OXR1: variants seen among roughly 807,000 people sequenced by gnomAD.
OXR1 encodes oxidation resistance 1, also known as oxidation resistance protein 1.
OXR1 carries 41 observed loss-of-function variants against 104.6 expected under a neutral mutation model. That is an observed-to-expected ratio of 0.39 (90% CI 0.31 to 0.51). The LOEUF is 0.51. Ranked by LOEUF, OXR1 falls within the 20% of genes least tolerant of loss-of-function variation. The pLI is 0.77. For synonymous variants in OXR1, 348 were observed against 348.4 expected (o/e 1.00, Z 0.01); for missense variants, 955 against 1,031.9 (o/e 0.93, Z 1.02).
intron 3 of OXR1, among the ~76,000 whole-genome samples, chr8:106,567,591 A>G (rs1563611073): frequency 6.6e-6 from 1 of 152,174 alleles, no homozygotes; most frequent in African/African-American, 2.4e-5. Flanking sequence ...AATACCAAAT[A>G]CAAATGCTAT....
At chr8:106,698,067 C>T (rs1307714042) in intron 7 of OXR1, 3 of 1,265,658 alleles carry the variant, frequency 2.4e-6, no homozygotes, top group Non-Finnish European at 3.5e-6. Context: ...GAGAGCGGCA[C>T]ACTCACTCAA....
At chr8:106,372,426 C>T (rs533040446) in intron 2 of OXR1, among the ~76,000 whole-genome samples, 4 of 151,188 alleles carry the variant, frequency 2.6e-5, no homozygotes, top group East Asian at 1.9e-4. Context: ...TTTTCGATGG[C>T]AGCCTTAGAA....
chr8:106,529,540 A>G (rs1354219625), intron 3 of OXR1, among the ~76,000 whole-genome samples: 3 of 152,202 alleles, frequency 2.0e-5, no homozygotes, highest in Non-Finnish European at 4.4e-5. Context: ...ATATTCCTAT[A>G]AATTTGTAGT....
In OXR1 at chr8:106,739,618, TGA is replaced by T. The variant is rs777314065; in HGVS notation, c.2163+37_2163+38del. On this transcript the variant is annotated intron_variant, in intron 13 of 16. Transcript: ENST00000517566. Reference sequence around the variant, plus strand: ...GCTCACATATGTGCATTTCTGAGTGTGAGTGTGTACCCATGAGAGTAAAACAG... The same window carrying T: ...GCTCACATATGTGCATTTCTGAGTGTGTGTGTACCCATGAGAGTAAAACAG... 1.4e-5 allele frequency: 23 copies of T among 1,607,152 alleles called. No individual in the cohort carries two copies. In the Admixed American group the frequency reaches 3.8e-4, roughly 27 times the overall value.
intron 3 of OXR1, among the ~76,000 whole-genome samples, chr8:106,546,373 G>T (rs1234638482): frequency 6.6e-6 from 1 of 152,130 alleles, no homozygotes; most frequent in East Asian, 1.9e-4. Flanking sequence ...CTTGTTATTT[G>T]TTAAGTACAT....
At chr8:106,559,304 T>C (rs769156459) in intron 3 of OXR1, among the ~76,000 whole-genome samples, 78 of 152,310 alleles carry the variant, frequency 5.1e-4, no homozygotes, top group Admixed American at 9.8e-4. Context: ...AACAACATTC[T>C]GATCACAGTC....
At chr8:106,401,036 A>ACTACATGAC (rs1365482055) in intron 2 of OXR1, among the ~76,000 whole-genome samples, 1 of 152,176 alleles carries the variant, frequency 6.6e-6, no homozygotes, top group Non-Finnish European at 1.5e-5. Context: ...TTTGTTTGAA[A>ACTACATGAC]CTACATGACA....
At chr8:106,277,203 G>T (rs1003948718) in intron 1 of OXR1, among the ~76,000 whole-genome samples, 1 of 152,214 alleles carries the variant, frequency 6.6e-6, no homozygotes, top group Non-Finnish European at 1.5e-5. Context: ...AACCAGAACA[G>T]ATGGAAACTT....
intron 3 of OXR1, among the ~76,000 whole-genome samples, chr8:106,552,047 C>T (rs919418815): frequency 1.3e-5 from 2 of 151,162 alleles, no homozygotes; most frequent in African/African-American, 4.9e-5. Context: ...GGTGACAGAG[C>T]GAGACCTGGT....
chr8:106,448,685 C>T (rs866647419), intron 2 of OXR1, among the ~76,000 whole-genome samples: 1 of 151,976 alleles, frequency 6.6e-6, no homozygotes, highest in Admixed American at 6.6e-5. Context: ...CAGTTGTTAC[C>T]GGCATAGACC....
At chr8:106,310,891 C>T (rs918624835) in intron 1 of OXR1, among the ~76,000 whole-genome samples, 4 of 151,938 alleles carry the variant, frequency 2.6e-5, no homozygotes, top group African/African-American at 9.7e-5. Context: ...CATTTTTGTG[C>T]CTCAGGTTGG....
chr8:106,653,255 T>G (rs1316264941), intron 3 of OXR1, among the ~76,000 whole-genome samples: 1 of 151,652 alleles, frequency 6.6e-6, no homozygotes, highest in Admixed American at 6.6e-5. Flanking sequence ...ACTTCTCAAT[T>G]CATTGTCAAA....
At chr8:106,411,960 T>A (rs1206336738) in intron 2 of OXR1, among the ~76,000 whole-genome samples, 3 of 152,136 alleles carry the variant, frequency 2.0e-5, no homozygotes, top group Non-Finnish European at 4.4e-5. Flanking sequence ...ATAAGCACTG[T>A]GATGTTTTAA....
intron 11 of OXR1, among the ~76,000 whole-genome samples, chr8:106,731,742 T>C (rs895797276): frequency 6.6e-6 from 1 of 152,232 alleles, no homozygotes; most frequent in Non-Finnish European, 1.5e-5. Context: ...GTATCATTGA[T>C]GTATTTGTCA....
chr8:106,659,099 G>T (rs529957031), intron 3 of OXR1, among the ~76,000 whole-genome samples: 1 of 152,140 alleles, frequency 6.6e-6, no homozygotes, highest in Non-Finnish European at 1.5e-5. Context: ...ACTCCACATC[G>T]TGCCAGTCAT....
intron 2 of OXR1, among the ~76,000 whole-genome samples, chr8:106,423,019 A>G (rs1818967329): frequency 6.6e-6 from 1 of 152,126 alleles, no homozygotes; most frequent in African/African-American, 2.4e-5. Context: ...TCTAGATACA[A>G]TAACATTAGT....
intron 2 of OXR1, among the ~76,000 whole-genome samples, chr8:106,432,494 G>T (rs115695180): frequency 6.6e-6 from 1 of 152,058 alleles, no homozygotes; most frequent in African/African-American, 2.4e-5. Context: ...GCGTTTGCTC[G>T]TTCTTTCCCT....
chr8:106,682,462 G>A (rs1828271828), intron 4 of OXR1: 1 of 152,812 alleles, frequency 6.5e-6, no homozygotes, highest in African/African-American at 2.4e-5. Context: ...TAGAGACGGG[G>A]TTTCACCGTG....
chr8:106,724,628 G>A (rs1833154357), intron 11 of OXR1, among the ~76,000 whole-genome samples: 1 of 152,140 alleles, frequency 6.6e-6, no homozygotes, highest in South Asian at 2.1e-4. Flanking sequence ...TTGGAGCCCA[G>A]CATTCTGGTA....
Sources: gnomAD v4.1 joint callset for allele counts (sites outside exome capture counted in the v4.1 genomes callset) on GRCh38, gnomAD v4.1.1 for gene constraint, MANE v1.5 for transcripts, NCBI Gene and HGNC (gene_info 2026-07-23, HGNC 2026-07-21) for gene names.